The following KIF6 variants were observed in gnomAD, a reference collection of about 807,000 sequenced individuals.
KIF6 encodes the protein kinesin family member 6, also known as kinesin-like protein KIF6.
Under a neutral mutation model 112.7 loss-of-function variants are expected in KIF6, and 106 were observed. The ratio of observed to expected loss-of-function variants is 0.94; its 90% confidence interval spans 0.80 to 1.11. The LOEUF is 1.11. Among genes scored for constraint, KIF6 ranks in the 50% least tolerant of loss-of-function variants. The probability of loss-of-function intolerance (pLI) is 0.00; values close to 1 mark genes in which losing one functional copy is unlikely to be tolerated. For missense variants in KIF6, 929 were observed against 964.0 expected (o/e 0.96, Z 0.48); for synonymous variants, 339 against 339.9 (o/e 1.00, Z 0.03).
At chr6:39,600,552 T>C (rs557783402) in intron 6 of KIF6, among the ~76,000 whole-genome samples, 2 of 152,182 alleles carry the variant, frequency 1.3e-5, no homozygotes, top group Non-Finnish European at 2.9e-5. Flanking sequence ...CTGAAAATGC[T>C]AGCCATTCCC....
chr6:39,589,105 G>A (rs1212728706), intron 7 of KIF6, among the ~76,000 whole-genome samples: 2 of 152,140 alleles, frequency 1.3e-5, no homozygotes, highest in African/African-American at 4.8e-5. Context: ...CCTTCTGACT[G>A]TTGATTCAGC....
intron 15 of KIF6, among the ~76,000 whole-genome samples, chr6:39,390,285 A>G (rs1767771583): frequency 6.6e-6 from 1 of 152,214 alleles, no homozygotes; most frequent in Admixed American, 6.5e-5. Flanking sequence ...GTATTCAGGC[A>G]CTTTCAGACA....
At chr6:39,697,630 C>T (rs556916228) in intron 3 of KIF6, among the ~76,000 whole-genome samples, 58 of 152,000 alleles carry the variant, frequency 3.8e-4, no homozygotes, top group African/African-American at 1.4e-3. Context: ...GTGACCTCCG[C>T]CTCCCAGGTT....
Position 39,540,190 on chromosome 6 carries a change from C to T in KIF6, c.1458G>A (p.Lys486=). The T allele has an allele frequency of 6.2e-7, 1 of 1,611,928 alleles. No homozygotes were observed. ...NILVNMLKKE[K]KKAQEALHLA... is the part of the protein sequence containing the mutation. ...AGTGGAGAGCCTCCTGAGCTTTCTT[C>T]TTTTCTTTTTTTAACATGTTGACCA... The change falls in exon 13 of 23, where the codon AAG becomes AAA. Residue 486 remains lysine, a synonymous_variant. Coordinates refer to ENST00000287152, the MANE Select transcript of KIF6 (RefSeq NM_145027.6).
At position 39,335,979 on chromosome 6, in the gene KIF6, G is replaced by A. The variant is rs6904582; in HGVS notation, c.*553C>T. The A allele has an allele frequency of 0.43, 65,348 of 152,660 alleles. 14,181 individuals carry two copies. Among genetic ancestry groups the A allele is most frequent in the East Asian group, 0.65 (3,329 of 5,150 alleles). 9.5% of individuals were successfully genotyped at this position (152,660 alleles called of 1,614,324 possible). A position where few individuals can be genotyped will look rare whatever the true frequency, so the allele number is the denominator to read the frequency against. ...CCAAGAGGCTGATGGTGAAAGATGT[G>A]GTCTGGGAGATCAGGATTGGCCTTC... On this transcript the variant is annotated 3_prime_UTR_variant, in exon 23 of 23. Transcript: ENST00000287152.
At chr6:39,615,498 C>A in intron 5 of KIF6, among the ~76,000 whole-genome samples, 1 of 142,722 alleles carries the variant, frequency 7.0e-6, no homozygotes, top group Non-Finnish European at 1.6e-5. Flanking sequence ...ACCCACCCCA[C>A]TCTCCCCAGA....
At chr6:39,557,312 A>G (rs1341787465) in intron 10 of KIF6, among the ~76,000 whole-genome samples, 1 of 152,192 alleles carries the variant, frequency 6.6e-6, no homozygotes, top group African/African-American at 2.4e-5. Context: ...TGAATCATAC[A>G]TTATCATTGA....
At chr6:39,559,852 G>T (rs919429930) in intron 10 of KIF6, among the ~76,000 whole-genome samples, 4 of 150,918 alleles carry the variant, frequency 2.7e-5, no homozygotes, top group Non-Finnish European at 2.9e-5. Flanking sequence ...AGGTATAACA[G>T]CAAATATCAA....
chr6:39,520,041 C>G (rs2150523947), intron 13 of KIF6, among the ~76,000 whole-genome samples: 1 of 152,082 alleles, frequency 6.6e-6, no homozygotes, highest in South Asian at 2.1e-4. Flanking sequence ...AATAAACAAA[C>G]TAACAAAAAA....
intron 10 of KIF6, among the ~76,000 whole-genome samples, chr6:39,567,732 C>G (rs570385708): frequency 6.6e-6 from 1 of 152,082 alleles, no homozygotes. Context: ...CTCAGCCTCC[C>G]GAGTAGCTGG....
At chr6:39,443,223 A>T (rs927627501) in intron 13 of KIF6, among the ~76,000 whole-genome samples, 1 of 151,490 alleles carries the variant, frequency 6.6e-6, no homozygotes, top group Non-Finnish European at 1.5e-5. Flanking sequence ...CCTGAGTCTC[A>T]CATGTCCTTG....
intron 3 of KIF6, among the ~76,000 whole-genome samples, chr6:39,652,795 G>A (rs542937840): frequency 1.3e-5 from 2 of 152,078 alleles, no homozygotes; most frequent in Non-Finnish European, 2.9e-5. Flanking sequence ...CACTTAGTAA[G>A]TGATAAGAGT....
At position 39,569,164 on chromosome 6, in the gene KIF6, CT is replaced by C. The variant is rs1181684805; in HGVS notation, c.1181+8891del. Among the ~76,000 whole-genome samples the C allele has an allele frequency of 3.3e-5, 5 of 152,230 alleles. No individual in the cohort carries two copies. The East Asian group carries it at 9.6e-4, about 29-fold the overall frequency. ...AATAGTGGTTTTATAACTAAAACCA[CT>C]TTGGAGGCCAGTGACAATAAACTGA... On this transcript the variant is annotated intron_variant, in intron 10 of 22. Transcript: ENST00000287152.
chr6:39,349,682 C>T (rs1269642491), intron 19 of KIF6, among the ~76,000 whole-genome samples: 1 of 112,072 alleles, frequency 8.9e-6, no homozygotes, highest in Non-Finnish European at 1.7e-5. Flanking sequence ...CTTGCTCTGT[C>T]TCCAGGCTAG....
intron 14 of KIF6, among the ~76,000 whole-genome samples, chr6:39,421,107 CA>C (rs1414168651): frequency 6.6e-6 from 1 of 152,162 alleles, no homozygotes; most frequent in African/African-American, 2.4e-5. Flanking sequence ...CCTATGAAAG[CA>C]AGCACCTAAT....
chr6:39,572,640 C>G (rs1415493064), intron 10 of KIF6, among the ~76,000 whole-genome samples: 5 of 148,044 alleles, frequency 3.4e-5, no homozygotes, highest in African/African-American at 1.2e-4. Flanking sequence ...GCTTCCAAGC[C>G]TAGCCAAAGA....
intron 15 of KIF6, among the ~76,000 whole-genome samples, chr6:39,403,807 T>G (rs980412126): frequency 2.0e-5 from 3 of 152,210 alleles, no homozygotes; most frequent in Admixed American, 1.3e-4. Flanking sequence ...TACTTGGTAT[T>G]GTCAGTTAAA....
chr6:39,398,287 T>C (rs1444865244), intron 15 of KIF6, among the ~76,000 whole-genome samples: 2 of 152,242 alleles, frequency 1.3e-5, no homozygotes, highest in East Asian at 1.9e-4. Context: ...TTTCCTATAA[T>C]GTGGGAGATG....
At chr6:39,533,786 G>A (rs1030729984) in intron 13 of KIF6, among the ~76,000 whole-genome samples, 7 of 152,156 alleles carry the variant, frequency 4.6e-5, no homozygotes, top group Admixed American at 2.6e-4. Flanking sequence ...CCTGACTCCC[G>A]AGCAGCCTAA....
Sources: allele counts gnomAD v4.1 joint callset (sites outside exome capture counted in the v4.1 genomes callset), GRCh38; gene constraint gnomAD v4.1.1; transcripts MANE v1.5; gene names NCBI Gene and HGNC (gene_info 2026-07-23, HGNC 2026-07-21).